The following KCNQ3 variants were observed in gnomAD, a reference collection of about 807,000 sequenced individuals.
The protein encoded by KCNQ3 is potassium voltage-gated channel subfamily Q member 3.
In KCNQ3, 30 loss-of-function variants were observed where a neutral mutation model predicts 92.5. The observed-to-expected ratio is 0.32, with a 90% CI of 0.24 to 0.44. The LOEUF is 0.44. Ranked by LOEUF, KCNQ3 falls within the 20% of genes least tolerant of loss-of-function variation. KCNQ3 has a pLI of 1.00. For missense variants in KCNQ3, 913 were observed against 1,140.3 expected (o/e 0.80, Z 2.87); for synonymous variants, 450 against 468.8 (o/e 0.96, Z 0.52).
chr8:132,133,751 G>A lies in KCNQ3; in HGVS notation c.1799+539C>T, dbSNP rs1245793382. ...CCTTGAAGACATTTGGGAATAAAGAGATGTAAATTTAGGCAGTGGACTTTC... is the reference window on the plus strand; with the variant it reads ...CCTTGAAGACATTTGGGAATAAAGAAATGTAAATTTAGGCAGTGGACTTTC... On this transcript the variant is annotated intron_variant, in intron 13 of 14. Coordinates refer to ENST00000388996, the MANE Select transcript of KCNQ3 (RefSeq NM_004519.4). 3.9e-5 allele frequency among the ~76,000 whole-genome samples: 6 copies of A among 152,352 alleles called. No homozygotes were observed. In the East Asian group the frequency reaches 1.2e-3, roughly 29 times the overall value.
At chr8:132,460,487 C>T (rs986278124) in intron 1 of KCNQ3, among the ~76,000 whole-genome samples, 19 of 152,132 alleles carry the variant, frequency 1.2e-4, no homozygotes, top group African/African-American at 4.6e-4. Flanking sequence ...TTTTGCTTAA[C>T]CGTTAAACTC....
intron 13 of KCNQ3, 65 bp downstream of exon 13, chr8:132,134,225 T>TG: frequency 8.5e-7 from 1 of 1,174,862 alleles, no homozygotes; most frequent in Non-Finnish European, 1.3e-6. Context: ...AGCAGAGGTT[T>TG]GGGGGTGGGG....
chr8:132,155,812 C>G (rs1231160162), intron 9 of KCNQ3, among the ~76,000 whole-genome samples: 1 of 152,124 alleles, frequency 6.6e-6, no homozygotes, highest in East Asian at 1.9e-4. Flanking sequence ...TCCCAAAGGA[C>G]TGGCTACTCT....
chr8:132,303,196 G>C (rs1165107700), intron 1 of KCNQ3, among the ~76,000 whole-genome samples: 1 of 152,122 alleles, frequency 6.6e-6, no homozygotes, highest in East Asian at 1.9e-4. Flanking sequence ...ACAGGCCCAT[G>C]CTACAGCATT....
intron 1 of KCNQ3, among the ~76,000 whole-genome samples, chr8:132,433,199 T>C (rs1268273974): frequency 1.3e-5 from 2 of 152,090 alleles, no homozygotes; most frequent in African/African-American, 2.4e-5. Flanking sequence ...ACCCCACTCA[T>C]CTGGATCATT....
chr8:132,230,423 C>T (rs1346650311), intron 1 of KCNQ3, among the ~76,000 whole-genome samples: 1 of 146,368 alleles, frequency 6.8e-6, no homozygotes, highest in Non-Finnish European at 1.5e-5. Context: ...GCTGCTGCTG[C>T]CACCACAGGC....
chr8:132,396,938 T>TTG (rs529554033), intron 1 of KCNQ3, among the ~76,000 whole-genome samples: 2,491 of 146,966 alleles, frequency 0.017, 30 homozygotes, highest in East Asian at 0.033. Flanking sequence ...GGGATAAAAA[T>TTG]TGTGTGTGTG....
At chr8:132,479,748 A>G (rs888053616) in intron 1 of KCNQ3, among the ~76,000 whole-genome samples, 1 of 151,858 alleles carries the variant, frequency 6.6e-6, no homozygotes, top group South Asian at 2.1e-4. Flanking sequence ...ACAGAAACAC[A>G]GAGCTCACGG....
chr8:132,375,550 C>T (rs1819584681), intron 1 of KCNQ3, among the ~76,000 whole-genome samples: 1 of 152,174 alleles, frequency 6.6e-6, no homozygotes, highest in Admixed American at 6.5e-5. Flanking sequence ...TCTCAGACTT[C>T]CTGAACTGTC....
intron 1 of KCNQ3, among the ~76,000 whole-genome samples, chr8:132,193,848 T>G (rs1428522502): frequency 1.3e-5 from 2 of 152,118 alleles, no homozygotes; most frequent in African/African-American, 4.8e-5. Context: ...CACTGGAGCC[T>G]TGGAAGAGAA....
rs552649024 is a variant in KCNQ3 at position 132,295,725 on chromosome 8, C to A, written c.387-109544G>T. ...GCCATGAAAAGGAACAAGATCATGC[C>A]CTTTGCAGGGACATAGATGGAGCTG... is the stretch of plus-strand genomic sequence containing the variant. On this transcript the variant is annotated intron_variant, in intron 1 of 14. Coordinates refer to ENST00000388996, the MANE Select transcript of KCNQ3 (RefSeq NM_004519.4). 2.6e-5 allele frequency among the ~76,000 whole-genome samples: 4 copies of A among 152,288 alleles called. No homozygotes were observed. In the East Asian group the frequency reaches 7.7e-4, roughly 29 times the overall value.
chr8:132,288,256 C>A (rs1450892030), intron 1 of KCNQ3, among the ~76,000 whole-genome samples: 1 of 152,038 alleles, frequency 6.6e-6, no homozygotes, highest in East Asian at 1.9e-4. Flanking sequence ...TTAATTTAGC[C>A]CCCCACAAAC....
At position 132,420,329 on chromosome 8, in the gene KCNQ3, G is replaced by A. The variant is rs565924036; in HGVS notation, c.386+59818C>T. On this transcript the variant is annotated intron_variant, in intron 1 of 14. Transcript: ENST00000388996. ...GTCCATAACAGGTTGCCCACCCAAG[G>A]GAAGGAATATTTGGGTGGGTAAGTC... Among the ~76,000 whole-genome samples the A allele has an allele frequency of 2.6e-5, 4 of 152,260 alleles. No individual in the cohort carries two copies. In the South Asian group the frequency reaches 8.3e-4, roughly 32 times the overall value.
chr8:132,170,892 G>T (rs1161180466), intron 7 of KCNQ3, among the ~76,000 whole-genome samples: 1 of 151,490 alleles, frequency 6.6e-6, no homozygotes, highest in Non-Finnish European at 1.5e-5. Flanking sequence ...GGTGGCACGT[G>T]CCTGTAGTTC....
chr8:132,423,605 T>C (rs1341492375), intron 1 of KCNQ3, among the ~76,000 whole-genome samples: 1 of 152,208 alleles, frequency 6.6e-6, no homozygotes, highest in Non-Finnish European at 1.5e-5. Flanking sequence ...AGGGCTGTTG[T>C]GAAGATCCGA....
At chr8:132,164,850 T>C (rs1384601021) in intron 8 of KCNQ3, among the ~76,000 whole-genome samples, 2 of 152,052 alleles carry the variant, frequency 1.3e-5, no homozygotes, top group African/African-American at 4.8e-5. Flanking sequence ...TTCTCTCACT[T>C]CTCCACCTTC....
chr8:132,406,077 T>G lies in KCNQ3; in HGVS notation c.386+74070A>C, dbSNP rs16904681. On this transcript the variant is annotated intron_variant, in intron 1 of 14. Transcript: ENST00000388996. ...TCATTTTTTGCGAACTGGGAGTAAT[T>G]ATGCCAACTTTTCCAATTTCATAAG... Among the ~76,000 whole-genome samples the G allele has an allele frequency of 6.0e-3, 912 of 152,290 alleles. 11 individuals carry two copies. The highest frequency in any genetic ancestry group is 0.019 in the African/African-American group (785 of 41,552).
At chr8:132,410,179 TAAGG>T (rs1442358994) in intron 1 of KCNQ3, among the ~76,000 whole-genome samples, 1 of 152,182 alleles carries the variant, frequency 6.6e-6, no homozygotes, top group Non-Finnish European at 1.5e-5. Flanking sequence ...GCTGTTTACT[TAAGG>T]AATGACTATA....
At chr8:132,467,447 T>C (rs906405916) in intron 1 of KCNQ3, among the ~76,000 whole-genome samples, 1 of 152,186 alleles carries the variant, frequency 6.6e-6, no homozygotes, top group Non-Finnish European at 1.5e-5. Flanking sequence ...AACTCAAGGC[T>C]GAGCTCAGTG....
Sources: allele counts gnomAD v4.1 joint callset (sites outside exome capture counted in the v4.1 genomes callset), GRCh38; gene constraint gnomAD v4.1.1; transcripts MANE v1.5; gene names NCBI Gene and HGNC (gene_info 2026-07-23, HGNC 2026-07-21).